Variants in ESYT3 observed in about 807,000 individuals in gnomAD.
ESYT3 encodes the protein extended synaptotagmin 3.
ESYT3 carries 101 observed loss-of-function variants against 111.5 expected under a neutral mutation model. That is an observed-to-expected ratio of 0.91 (90% CI 0.77 to 1.07). The LOEUF is 1.07. Ranked by LOEUF, ESYT3 falls within the 50% of genes least tolerant of loss-of-function variation. The pLI, the probability that ESYT3 is intolerant of heterozygous loss-of-function variation, is 0.00. For missense variants in ESYT3, 1,097 were observed against 1,109.4 expected (o/e 0.99, Z 0.16); for synonymous variants, 416 against 446.8 (o/e 0.93, Z 0.87).
rs770826163 is a variant in ESYT3 at position 138,476,309 on chromosome 3, GAAGA to G, written c.2559_2562del (p.Lys854SerfsTer2). ...AATAGTAGGCCACTTGGCTCACACA[GAAGA>G]AAGGAGTTAGGAAAAGTAAGTACAA... On this transcript the variant is annotated frameshift_variant, in exon 21 of 23. Transcript: ENST00000389567. LOFTEE classifies it high-confidence loss of function. 38 of 1,613,470 alleles carry G rather than the reference GAAGA, an allele frequency of 2.4e-5. No homozygotes were observed. In the African/African-American group the frequency reaches 4.8e-4, roughly 20 times the overall value.
At chr3:138,473,370 T>A in intron 18 of ESYT3, 166 bp from the exon 19 acceptor site, 1 of 670,320 alleles carries the variant, frequency 1.5e-6, no homozygotes, top group Non-Finnish European at 2.4e-6. Flanking sequence ...TAATTATACA[T>A]GAATGCTGGA....
intron 1 of ESYT3, among the ~76,000 whole-genome samples, chr3:138,443,267 G>A (rs149666802): frequency 6.2e-4 from 94 of 152,326 alleles, no homozygotes; most frequent in Middle Eastern, 6.8e-3. Flanking sequence ...CAAAGCAATT[G>A]TTTCCCTCAA....
In ESYT3 at chr3:138,435,274, C is replaced by G; in HGVS notation, c.327+149C>G. On this transcript the variant is annotated intron_variant, in intron 1 of 22. Coordinates refer to ENST00000389567, the MANE Select transcript of ESYT3 (RefSeq NM_031913.5). The surrounding 1 kb of genome is among the most constrained non-coding windows in gnomAD (Gnocchi z 4.8). ...ACCCCGTTCCCCACCGCTCCCGGGG[C>G]GCAGACCCTGGGGACGGTGACCGCC... 2.5e-6 allele frequency: 2 copies of G among 795,794 alleles called. No individual in the cohort carries two copies. The highest frequency in any genetic ancestry group is 5.9e-5 in the Admixed American group (2 of 33,908). The allele number at this position is 795,794 out of a possible 1,614,324, so 49.3% of individuals were successfully genotyped here. A position where few individuals can be genotyped will look rare whatever the true frequency, so the allele number is the denominator to read the frequency against.
rs1560246570 is a variant in ESYT3, at chr3:138,473,522, C to T, written c.2238-14C>T. 1 of 1,609,964 alleles carries T rather than the reference C, an allele frequency of 6.2e-7. No homozygotes were observed. The highest frequency in any genetic ancestry group is 1.3e-5 in the African/African-American group (1 of 74,846). On this transcript the variant is annotated splice_polypyrimidine_tract_variant and intron_variant, in intron 18 of 22. Coordinates refer to ENST00000389567, the MANE Select transcript of ESYT3 (RefSeq NM_031913.5). Reference sequence around the variant, plus strand: ...TTGTTATGGCGAGAGAAGTGATGGGCTCTTTCTTTACAGAGGTGGGGACCT... The same window carrying T: ...TTGTTATGGCGAGAGAAGTGATGGGTTCTTTCTTTACAGAGGTGGGGACCT...
At chr3:138,476,567 C>T in intron 22 of ESYT3, 75 bp downstream of exon 22, 1 of 1,451,206 alleles carries the variant, frequency 6.9e-7, no homozygotes, top group Non-Finnish European at 9.6e-7. Context: ...ACTGTTTCAG[C>T]TCCTTTGGTT....
In ESYT3 at chr3:138,451,959, C is replaced by A. The variant is rs370851948; in HGVS notation, c.328-89C>A. On this transcript the variant is annotated intron_variant, in intron 1 of 22. Coordinates refer to ENST00000389567, the MANE Select transcript of ESYT3 (RefSeq NM_031913.5). Reference sequence around the variant, plus strand: ...GAAGGGTTGAGGTGCAGCGCGTGGGCGGAATGGGAAGCCCGCCAGGCTGGC... The same window carrying A: ...GAAGGGTTGAGGTGCAGCGCGTGGGAGGAATGGGAAGCCCGCCAGGCTGGC... 3.7e-5 allele frequency: 54 copies of A among 1,456,466 alleles called. 1 individual carries two copies. In the East Asian group the frequency reaches 4.1e-4, roughly 11 times the overall value. The allele number at this position is 1,456,466 out of a possible 1,614,324, so 90.2% of individuals were successfully genotyped here.
Position 138,455,242 on chromosome 3 carries a change from T to G in ESYT3, c.418T>G (p.Phe140Val). The stretch of plus-strand genomic sequence containing the variant: ...CCTAAGCATGATCATGGAAAGCAAG[T>G]TCCGGGAGAAACTTGAGCCCAAGAT... ...PYLSMIMESK[F>V]REKLEPKIRE... The change falls in exon 3 of 23, where the codon TTC becomes GTC. Residue 140 changes from phenylalanine to valine, a missense_variant. Physicochemically the swap from Phe to Val is conservative, Grantham distance 50. Transcript: ENST00000389567. 1 of 1,614,122 alleles carries G rather than the reference T, an allele frequency of 6.2e-7. No individual in the cohort carries two copies. Among genetic ancestry groups the G allele is most frequent in the Non-Finnish European group, 8.5e-7 (1 of 1,179,998 alleles).
chr3:138,437,175 C>T (rs192710680), intron 1 of ESYT3, among the ~76,000 whole-genome samples: 2 of 152,264 alleles, frequency 1.3e-5, no homozygotes, highest in African/African-American at 2.4e-5. Flanking sequence ...AAGGCAGTCT[C>T]GGGTGGGGGA....
chr3:138,443,353 T>G (rs2031295259), intron 1 of ESYT3, among the ~76,000 whole-genome samples: 1 of 152,186 alleles, frequency 6.6e-6, no homozygotes, highest in Non-Finnish European at 1.5e-5. Flanking sequence ...ATGTTTGCCT[T>G]CCAAGAACAG....
rs1265839159 is a variant in ESYT3, at chr3:138,479,534, G to C, written c.*2680G>C. 1 of 152,200 alleles carries C rather than the reference G, an allele frequency of 6.6e-6. No homozygotes were observed. Among genetic ancestry groups the C allele is most frequent in the Non-Finnish European group, 1.5e-5 (1 of 68,046 alleles). 9.4% of individuals were successfully genotyped at this position (152,200 alleles called of 1,614,324 possible). A position where few individuals can be genotyped will look rare whatever the true frequency, so the allele number is the denominator to read the frequency against. On this transcript the variant is annotated 3_prime_UTR_variant, in exon 23 of 23. Transcript: ENST00000389567. ...GCTGATGTTTGGCTTTGCCAATAGG[G>C]GGCGATGGAAGGACACTCTATAGCA...
In ESYT3 at chr3:138,476,338, A is replaced by C; in HGVS notation, c.2574+10A>C. 1 of 1,608,608 alleles carries C rather than the reference A, an allele frequency of 6.2e-7. No homozygotes were observed. The highest frequency in any genetic ancestry group is 8.5e-7 in the Non-Finnish European group (1 of 1,175,062). On this transcript the variant is annotated intron_variant, in intron 21 of 22. Transcript: ENST00000389567. ...AAAGGAGTTAGGAAAAGTAAGTACA[A>C]GAGATATTTGATATACCAAGGAGAT...
chr3:138,458,813 A>T (rs72976619), intron 4 of ESYT3, among the ~76,000 whole-genome samples: 3,070 of 152,256 alleles, frequency 0.02, 121 homozygotes, highest in African/African-American at 0.071. Context: ...GGACAGGGGG[A>T]CAGCAGGGGT....
chr3:138,453,580 G>A (rs549414826), intron 2 of ESYT3, among the ~76,000 whole-genome samples: 1 of 152,306 alleles, frequency 6.6e-6, no homozygotes, highest in African/African-American at 2.4e-5. Flanking sequence ...ATGGAGGAAG[G>A]AAATGCATAT....
At chr3:138,439,505 T>C (rs2030982380) in intron 1 of ESYT3, among the ~76,000 whole-genome samples, 1 of 152,198 alleles carries the variant, frequency 6.6e-6, no homozygotes, top group Non-Finnish European at 1.5e-5. Context: ...TAACCTTTGC[T>C]GCTTTGCTTC....
chr3:138,456,530 A>G (rs1225735572), intron 3 of ESYT3, among the ~76,000 whole-genome samples: 2 of 152,168 alleles, frequency 1.3e-5, no homozygotes, highest in Non-Finnish European at 2.9e-5. Context: ...TCTCTATGCC[A>G]GAGGTCCCCA....
intron 1 of ESYT3, among the ~76,000 whole-genome samples, chr3:138,443,370 AAAAGGAC>A (rs2031297224): frequency 6.6e-6 from 1 of 152,234 alleles, no homozygotes; most frequent in Non-Finnish European, 1.5e-5. Flanking sequence ...ACAGAGGAAA[AAAAGGAC>A]AAAGTCTGCG....
At chr3:138,441,478 C>T (rs2031148151) in intron 1 of ESYT3, among the ~76,000 whole-genome samples, 1 of 152,122 alleles carries the variant, frequency 6.6e-6, no homozygotes. Flanking sequence ...GTCTTGGTGG[C>T]AGGCAGAGAT....
chr3:138,460,757 C>A, intron 7 of ESYT3, 91 bp downstream of exon 7: 2 of 1,336,096 alleles, frequency 1.5e-6, no homozygotes, highest in Non-Finnish European at 2.2e-6. Flanking sequence ...AATGGTGGTG[C>A]TTTCCCTCCT....
chr3:138,468,090 G>C lies in ESYT3; in HGVS notation c.1219-15G>C, dbSNP rs1211235133. ...CCTGGCCCTTTTCCCTGAGCTTTCTGCCCCTACCCCACAGTGGTTTGTCCT... is the reference window on the plus strand; with the variant it reads ...CCTGGCCCTTTTCCCTGAGCTTTCTCCCCCTACCCCACAGTGGTTTGTCCT... On this transcript the variant is annotated splice_polypyrimidine_tract_variant and intron_variant, in intron 11 of 22. Coordinates refer to ENST00000389567, the MANE Select transcript of ESYT3 (RefSeq NM_031913.5). The C allele has an allele frequency of 6.2e-7, 1 of 1,613,734 alleles. No individual in the cohort carries two copies. Among genetic ancestry groups the C allele is most frequent in the Non-Finnish European group, 8.5e-7 (1 of 1,179,794 alleles).
Sources: gnomAD v4.1 joint callset for allele counts (sites outside exome capture counted in the v4.1 genomes callset) on GRCh38, gnomAD v4.1.1 for gene constraint, Gnocchi (gnomAD v3.1) non-coding constraint, MANE v1.5 for transcripts, NCBI Gene and HGNC (gene_info 2026-07-23, HGNC 2026-07-21) for gene names.